The following PCDHGA5 variants were observed in gnomAD, a reference collection of about 807,000 sequenced individuals.
PCDHGA5 encodes protocadherin gamma-A5.
In PCDHGA5, 36 loss-of-function variants were observed where a neutral mutation model predicts 56.7. The observed-to-expected ratio is 0.64, with a 90% CI of 0.49 to 0.84. The LOEUF (loss-of-function observed/expected upper bound fraction) is 0.84, where lower values mean the gene tolerates loss of function less well. Ranked by LOEUF, PCDHGA5 falls within the 40% of genes least tolerant of loss-of-function variation. The pLI, the probability that PCDHGA5 is intolerant of heterozygous loss-of-function variation, is 0.00. For synonymous variants in PCDHGA5, 563 were observed against 520.2 expected, an observed-to-expected ratio of 1.08 and a Z score of -1.12; for missense variants, 1,305 against 1,201.5, an observed-to-expected ratio of 1.09 and a Z score of -1.27.
chr5:141,391,493 G>A (rs949161885), intron 1 of PCDHGA5: 1 of 151,954 alleles, frequency 6.6e-6, no homozygotes, highest in Non-Finnish European at 1.5e-5. Context: ...TCTGTTTTCA[G>A]TAGAGAAAAT....
chr5:141,407,868 A>AAT (rs1474357780), intron 1 of PCDHGA5, among the ~76,000 whole-genome samples: 1 of 152,242 alleles, frequency 6.6e-6, no homozygotes, highest in Admixed American at 6.5e-5. Context: ...ATTTTCGAAG[A>AAT]ATATATACAT....
chr5:141,375,844 G>A (rs1771971426), intron 1 of PCDHGA5: 2 of 1,614,082 alleles, frequency 1.2e-6, no homozygotes, highest in Non-Finnish European at 8.5e-7. Context: ...CCGGCTACCT[G>A]GTGACCAAGG....
intron 1 of PCDHGA5, chr5:141,419,434 G>A (rs372006900): frequency 2.5e-5 from 41 of 1,613,112 alleles, no homozygotes; most frequent in Non-Finnish European, 3.3e-5. Flanking sequence ...ACGAGCAGCT[G>A]CGCACCTTCG....
At chr5:141,409,933 GGT>G in intron 1 of PCDHGA5, 1 of 1,613,354 alleles carries the variant, frequency 6.2e-7, no homozygotes, top group East Asian at 2.2e-5. Flanking sequence ...TCTTCGATAT[GGT>G]ACCTCGCTCT....
intron 1 of PCDHGA5, chr5:141,367,537 A>AAAGTAAAT (rs373624904): frequency 1.5e-4 from 22 of 147,524 alleles, no homozygotes; most frequent in African/African-American, 5.5e-4. Context: ...ACTCCGTCTC[A>AAAGTAAAT]AAATAAATAA....
intron 2 of PCDHGA5, among the ~76,000 whole-genome samples, chr5:141,496,411 CT>C (rs1266082660): frequency 6.6e-6 from 1 of 152,190 alleles, no homozygotes; most frequent in African/African-American, 2.4e-5. Context: ...TGGTTGAGTA[CT>C]TGCTGTCCAC....
intron 1 of PCDHGA5, chr5:141,405,544 C>T: frequency 1.6e-6 from 1 of 632,908 alleles, no homozygotes; most frequent in Non-Finnish European, 2.7e-6. Context: ...CTCAGCCTCC[C>T]AAGTAGAGTA....
Position 141,410,674 on chromosome 5 carries a change from A to G in PCDHGA5, c.2421+43923A>G. 3.2e-6 allele frequency: 5 copies of G among 1,551,418 alleles called. No homozygotes were observed. In the South Asian group the frequency reaches 3.6e-5, roughly 11 times the overall value. On this transcript the variant is annotated intron_variant, in intron 1 of 3. Coordinates refer to ENST00000518069, the MANE Select transcript of PCDHGA5 (RefSeq NM_018918.3). ...ATCTAATAGTCTACTAGTTTCTCATATTTTAGGCATACTACTTTATTTTCA... is the reference window on the plus strand; with the variant it reads ...ATCTAATAGTCTACTAGTTTCTCATGTTTTAGGCATACTACTTTATTTTCA...
chr5:141,409,459 T>A lies in PCDHGA5; in HGVS notation c.2421+42708T>A, dbSNP rs139792503. 3.7e-6 allele frequency: 6 copies of A among 1,613,832 alleles called. 1 individual carries two copies. The highest frequency in any genetic ancestry group is 3.3e-4 in the Middle Eastern group (2 of 6,084). ...ACCGAGAGCAGACACCAGAATACAATGTCACCATCGTAGCCACTGACAGGG... is the reference window on the plus strand; with the variant it reads ...ACCGAGAGCAGACACCAGAATACAAAGTCACCATCGTAGCCACTGACAGGG... On this transcript the variant is annotated intron_variant, in intron 1 of 3. Transcript: ENST00000518069.
intron 1 of PCDHGA5, chr5:141,374,529 C>G: frequency 6.2e-7 from 1 of 1,613,042 alleles, no homozygotes; most frequent in East Asian, 2.2e-5. Flanking sequence ...GCAGCTCCAT[C>G]CTCTCGTTTT....
chr5:141,423,050 G>C, intron 1 of PCDHGA5: 1 of 1,614,186 alleles, frequency 6.2e-7, no homozygotes, highest in Non-Finnish European at 8.5e-7. Flanking sequence ...CTGTCCTATC[G>C]CCTGCTTAAG....
At chr5:141,448,893 C>G (rs957997508) in intron 1 of PCDHGA5, among the ~76,000 whole-genome samples, 2 of 151,948 alleles carry the variant, frequency 1.3e-5, no homozygotes, top group Non-Finnish European at 2.9e-5. Flanking sequence ...TGCAGTGAGC[C>G]GAGATCGTGC....
In PCDHGA5 at chr5:141,393,139, T is replaced by A. The variant is rs753058672; in HGVS notation, c.2421+26388T>A. 1.2e-6 allele frequency: 2 copies of A among 1,613,322 alleles called. No individual in the cohort carries two copies. The highest frequency in any genetic ancestry group is 3.3e-5 in the Admixed American group (2 of 60,032). ...CGGTGTCTGATAAATATTAACACCC[T>A]GGTTGAGGATAAAGGAAAACTCTTT... On this transcript the variant is annotated intron_variant, in intron 1 of 3. Coordinates refer to ENST00000518069, the MANE Select transcript of PCDHGA5 (RefSeq NM_018918.3).
chr5:141,502,087 C>T (rs1289663374), intron 2 of PCDHGA5, among the ~76,000 whole-genome samples: 1 of 152,180 alleles, frequency 6.6e-6, no homozygotes, highest in Admixed American at 6.5e-5. Context: ...GGGCTGAGAA[C>T]ACCTGGCCTT....
At chr5:141,406,748 A>G (rs180930343) in intron 1 of PCDHGA5, among the ~76,000 whole-genome samples, 80 of 152,312 alleles carry the variant, frequency 5.3e-4, no homozygotes, top group Non-Finnish European at 1.5e-4. Context: ...GTGAAATGAC[A>G]AAACAAGGAA....
At chr5:141,423,750 T>TGGGG (rs144521096) in intron 1 of PCDHGA5, 28 of 288,222 alleles carry the variant, frequency 9.7e-5, no homozygotes, top group Non-Finnish European at 1.2e-4. Flanking sequence ...GAAAACTGTT[T>TGGGG]GGGGGGGGGG....
At chr5:141,433,699 T>C (rs2097645911) in intron 1 of PCDHGA5, among the ~76,000 whole-genome samples, 1 of 152,082 alleles carries the variant, frequency 6.6e-6, no homozygotes, top group Non-Finnish European at 1.5e-5. Flanking sequence ...TAGCCGGGCG[T>C]GGTGGTGCAT....
chr5:141,473,975 G>T (rs188916402), intron 1 of PCDHGA5, among the ~76,000 whole-genome samples: 1 of 152,104 alleles, frequency 6.6e-6, no homozygotes, highest in Non-Finnish European at 1.5e-5. Flanking sequence ...AGTCTGAGGC[G>T]GGAGGATCCC....
intron 1 of PCDHGA5, chr5:141,478,196 C>T: frequency 6.2e-7 from 1 of 1,614,068 alleles, no homozygotes; most frequent in Middle Eastern, 1.6e-4. Context: ...CACCTTTTAT[C>T]TACTTCTTTC....
Sources: allele counts gnomAD v4.1 joint callset (sites outside exome capture counted in the v4.1 genomes callset), GRCh38; gene constraint gnomAD v4.1.1; transcripts MANE v1.5; gene names NCBI Gene and HGNC (gene_info 2026-07-23, HGNC 2026-07-21).